Variants in BMI1 observed in about 807,000 individuals in gnomAD.
BMI1 encodes the protein polycomb complex protein BMI-1.
Under a neutral mutation model 39.1 loss-of-function variants are expected in BMI1, and 9 were observed. The observed-to-expected ratio is 0.23, with a 90% CI of 0.14 to 0.40. The LOEUF (loss-of-function observed/expected upper bound fraction) is 0.40. Among genes scored for constraint, BMI1 ranks in the 10% least tolerant of loss-of-function variants. The pLI is 1.00. For missense variants in BMI1, 252 were observed against 390.8 expected (o/e 0.64, Z 2.99); for synonymous variants, 131 against 127.9 (o/e 1.02, Z -0.16).
rs763906949 is a variant in BMI1, at chr10:22,327,750, A to G, written c.274A>G (p.Lys92Glu). ...LVPGLFKNEM[K>E]RRRDFYAAHP... is the part of the protein sequence containing the mutation. ...CTTTTTTCCCCATTCAGATGAAATG[A>G]AGAGAAGAAGGGATTTTTATGCAGC... Residue 92 changes from lysine to glutamate, a missense_variant, in exon 5 of 10, where the codon AAG becomes GAG. Coordinates refer to ENST00000376663, the MANE Select transcript of BMI1 (RefSeq NM_005180.9). 1 of 1,613,476 alleles carries G rather than the reference A, an allele frequency of 6.2e-7. No individual in the cohort carries two copies. The highest frequency in any genetic ancestry group is 8.5e-7 in the Non-Finnish European group (1 of 1,179,622).
Position 22,321,390 on chromosome 10 carries a change from C to G in BMI1, c.-326C>G, listed in dbSNP as rs943668421. 6.3e-6 allele frequency: 1 copy of G among 158,774 alleles called. No individual in the cohort carries two copies. The highest frequency in any genetic ancestry group is 1.9e-4 in the East Asian group (1 of 5,258). The allele number at this position is 158,774 out of a possible 1,614,324, so 9.8% of individuals were successfully genotyped here. On this transcript the variant is annotated 5_prime_UTR_variant, in exon 1 of 10. Coordinates refer to ENST00000376663, the MANE Select transcript of BMI1 (RefSeq NM_005180.9). ...CGGAGCGGGAGGAGGCGGCGGCGGC[C>G]GAGGAGGAGGAGGAGGAGGCCCCGG...
At chr10:22,325,602 G>T (rs1399834463) in intron 1 of BMI1, 2 of 47,804 alleles carry the variant, frequency 4.2e-5, no homozygotes, top group Non-Finnish European at 8.1e-5. Flanking sequence ...CGCCGGCCCC[G>T]CCCCCGCGGC....
chr10:22,326,635 A>T (rs1836160458), intron 2 of BMI1, 74 bp downstream of exon 2: 1 of 1,567,324 alleles, frequency 6.4e-7, no homozygotes. Flanking sequence ...AAAACTGTTA[A>T]TGATTCCTGC....
chr10:22,326,299 T>C, intron 1 of BMI1, 132 bp from the exon 2 acceptor site: 1 of 1,268,334 alleles, frequency 7.9e-7, no homozygotes, highest in South Asian at 1.5e-5. Flanking sequence ...ATTCCTTCTG[T>C]AGAAACGTTA....
At chr10:22,326,719 G>A in intron 2 of BMI1, 158 bp downstream of exon 2, 1 of 1,301,816 alleles carries the variant, frequency 7.7e-7, no homozygotes, top group East Asian at 2.4e-5. Flanking sequence ...TTGTTAATAT[G>A]TATTGATTGT....
chr10:22,329,748 A>C lies in BMI1; in HGVS notation c.*206A>C. 1.6e-6 allele frequency: 1 copy of C among 629,726 alleles called. No individual in the cohort carries two copies. The highest frequency in any genetic ancestry group is 3.3e-5 in the Admixed American group (1 of 30,174). The allele number at this position is 629,726 out of a possible 1,614,324, so 39.0% of individuals were successfully genotyped here. A position where few individuals can be genotyped will look rare whatever the true frequency, so the allele number is the denominator to read the frequency against. ...AAAAGAAAGATTGTTGTTATAAAGA[A>C]TTGGTTTCTTGGAAAGCAGGCAAGA... On this transcript the variant is annotated 3_prime_UTR_variant, in exon 10 of 10. Coordinates refer to ENST00000376663, the MANE Select transcript of BMI1 (RefSeq NM_005180.9).
intron 1 of BMI1, chr10:22,322,072 G>C (rs1352959585): frequency 1.3e-5 from 2 of 151,590 alleles, no homozygotes; most frequent in Non-Finnish European, 2.9e-5. Flanking sequence ...GCTCCCCCGG[G>C]CGCCCCTCCG....
intron 8 of BMI1, 24 bp from the exon 9 acceptor site, chr10:22,329,024 C>T: frequency 6.4e-7 from 1 of 1,559,120 alleles, no homozygotes; most frequent in Middle Eastern, 2.0e-4. Flanking sequence ...TCTTTTATTA[C>T]TTAATAAAAA....
chr10:22,323,580 G>C (rs533623540), intron 1 of BMI1, among the ~76,000 whole-genome samples: 109 of 152,292 alleles, frequency 7.2e-4, no homozygotes, highest in African/African-American at 2.6e-3. Flanking sequence ...ACCCCAACTG[G>C]GGCTATGGAG....
intron 1 of BMI1, among the ~76,000 whole-genome samples, chr10:22,325,311 G>A (rs1406195013): frequency 6.6e-6 from 1 of 152,222 alleles, no homozygotes; most frequent in Non-Finnish European, 1.5e-5. Context: ...ATCCCTTCGT[G>A]AAATTTCTGA....
chr10:22,324,761 G>A (rs1836091016), intron 1 of BMI1, among the ~76,000 whole-genome samples: 1 of 152,240 alleles, frequency 6.6e-6, no homozygotes, highest in South Asian at 2.1e-4. Context: ...AGGTCTGGAA[G>A]CTTAGTCTTA....
At chr10:22,328,908 A>T in intron 8 of BMI1, 140 bp from the exon 9 acceptor site, 1 of 1,056,304 alleles carries the variant, frequency 9.5e-7, no homozygotes, top group Admixed American at 2.9e-5. Context: ...ATTTTTTCTC[A>T]TTTGAAGTTT....
rs562407246 is a variant in BMI1, at chr10:22,324,945, GT to G, written c.-19-1482del. 3.0e-3 allele frequency among the ~76,000 whole-genome samples: 463 copies of G among 152,316 alleles called. 1 individual carries two copies. Among genetic ancestry groups the G allele is most frequent in the African/African-American group, 0.011 (443 of 41,576 alleles). On this transcript the variant is annotated intron_variant, in intron 1 of 9. Transcript: ENST00000376663. ...GGAATATCATTTCATCGTATGGGGG[GT>G]TTTACATTTGTTTTTCTCTCCTGTC...
At chr10:22,326,743 A>G (rs1329397074) in intron 2 of BMI1, 147 bp from the exon 3 acceptor site, 4 of 1,296,158 alleles carry the variant, frequency 3.1e-6, no homozygotes, top group African/African-American at 3.0e-5. Flanking sequence ...ACAAGCATGC[A>G]ATATATGTGT....
rs766372493 is a variant in BMI1 at position 22,326,577 on chromosome 10, T to TA, written c.112+17dup. ...CTACATTCCTGTAAGTACCGAGCTT[T>TA]AGCTCTCTTTTGTATCATGCGTATT... On this transcript the variant is annotated intron_variant, in intron 2 of 9. Transcript: ENST00000376663. 41 of 1,612,414 alleles carry TA rather than the reference T, an allele frequency of 2.5e-5. No homozygotes were observed. In the African/African-American group the frequency reaches 3.7e-4, roughly 15 times the overall value.
Position 22,330,351 on chromosome 10 carries a change from G to A in BMI1, c.*809G>A, listed in dbSNP as rs1270267675. ...TTGTTAAAATTCTCCCAACTGGTTC[G>A]ACCTTTGCAGATACCCATAACCTAT... On this transcript the variant is annotated 3_prime_UTR_variant, in exon 10 of 10. Coordinates refer to ENST00000376663, the MANE Select transcript of BMI1 (RefSeq NM_005180.9). 1.3e-5 allele frequency: 2 copies of A among 152,618 alleles called. No individual in the cohort carries two copies. Among genetic ancestry groups the A allele is most frequent in the Admixed American group, 1.3e-4 (2 of 15,288 alleles). 9.5% of individuals were successfully genotyped at this position (152,618 alleles called of 1,614,324 possible). A position where few individuals can be genotyped will look rare whatever the true frequency, so the allele number is the denominator to read the frequency against.
rs1030311886 is a variant in BMI1 at position 22,330,904 on chromosome 10, T to C, written c.*1362T>C. 2.6e-5 allele frequency: 4 copies of C among 152,582 alleles called. No individual in the cohort carries two copies. The highest frequency in any genetic ancestry group is 9.6e-5 in the African/African-American group (4 of 41,462). 9.5% of individuals were successfully genotyped at this position (152,582 alleles called of 1,614,324 possible). On this transcript the variant is annotated 3_prime_UTR_variant, in exon 10 of 10. Transcript: ENST00000376663. ...TGCTTTGGTCGAACTTGGTGTGTGT[T>C]CATCACCCATCAGTTATTTGTGAGG...
At chr10:22,325,948 C>T (rs920528910) in intron 1 of BMI1, 1 of 152,244 alleles carries the variant, frequency 6.6e-6, no homozygotes, top group Non-Finnish European at 1.5e-5. Context: ...CCCTGCGCGT[C>T]GCGTAAAAAC....
At chr10:22,331,545 A>C (rs1268010970), downstream of BMI1, 1 of 151,950 alleles carries the variant, frequency 6.6e-6, no homozygotes, top group African/African-American at 2.4e-5. Flanking sequence ...AGACAAAGAA[A>C]AGTTAATGGA....
Sources: gnomAD v4.1 joint callset for allele counts (sites outside exome capture counted in the v4.1 genomes callset) on GRCh38, gnomAD v4.1.1 for gene constraint, MANE v1.5 for transcripts, NCBI Gene and HGNC (gene_info 2026-07-23, HGNC 2026-07-21) for gene names.